PKN2: variants seen among roughly 807,000 people sequenced by gnomAD.
PKN2 encodes the protein protein kinase N2.
Under a neutral mutation model 119.1 loss-of-function variants are expected in PKN2, and 38 were observed. The observed-to-expected ratio is 0.32, with a 90% CI of 0.25 to 0.42. The LOEUF is 0.42. Ranked by LOEUF, PKN2 falls within the 10% of genes least tolerant of loss-of-function variation. PKN2 has a pLI of 1.00. For missense variants in PKN2, 850 were observed against 1,165.1 expected, an observed-to-expected ratio of 0.73 and a Z score of 3.94; for synonymous variants, 390 against 384.9, an observed-to-expected ratio of 1.01 and a Z score of -0.15.
At chr1:88,784,356 C>A (rs1670483201) in intron 6 of PKN2, among the ~76,000 whole-genome samples, 1 of 151,894 alleles carries the variant, frequency 6.6e-6, no homozygotes, top group Non-Finnish European at 1.5e-5. Flanking sequence ...CTCCTAAATT[C>A]AGGCAATCCA....
At chr1:88,800,286 G>C (rs1671252504) in intron 8 of PKN2, among the ~76,000 whole-genome samples, 1 of 152,226 alleles carries the variant, frequency 6.6e-6, no homozygotes, top group East Asian at 1.9e-4. Flanking sequence ...TCTTAAAACA[G>C]GAGTTTTTGA....
chr1:88,797,762 G>A (rs1671149627), intron 8 of PKN2, among the ~76,000 whole-genome samples: 1 of 152,004 alleles, frequency 6.6e-6, no homozygotes, highest in Non-Finnish European at 1.5e-5. Context: ...ACAACATAGT[G>A]TAGACATTTT....
chr1:88,805,794 G>A (rs1276115549), intron 11 of PKN2, 97 bp from the exon 12 acceptor site: 1 of 1,605,056 alleles, frequency 6.2e-7, no homozygotes, highest in Non-Finnish European at 8.5e-7. Context: ...GTAGTGTTCT[G>A]TTTACTTAAA....
At chr1:88,758,108 T>G (rs945244865) in intron 2 of PKN2, among the ~76,000 whole-genome samples, 1 of 151,616 alleles carries the variant, frequency 6.6e-6, no homozygotes, top group Non-Finnish European at 1.5e-5. Flanking sequence ...ACTAGATGGT[T>G]CTTTCTGAAG....
intron 18 of PKN2, among the ~76,000 whole-genome samples, chr1:88,825,726 C>T (rs992285665): frequency 1.3e-5 from 2 of 152,206 alleles, no homozygotes; most frequent in African/African-American, 4.8e-5. Flanking sequence ...ATCAACCTGC[C>T]ATGTAATTGC....
intron 6 of PKN2, among the ~76,000 whole-genome samples, chr1:88,773,604 G>A (rs115459788): frequency 0.019 from 2,960 of 152,206 alleles, 95 homozygotes; most frequent in African/African-American, 0.067. Context: ...ACCAGTGTTT[G>A]CTGTTTATTT....
chr1:88,818,803 A>T (rs895223395), intron 16 of PKN2, among the ~76,000 whole-genome samples: 2 of 152,176 alleles, frequency 1.3e-5, no homozygotes, highest in Non-Finnish European at 2.9e-5. Flanking sequence ...AGCAACCAAA[A>T]CACCATGGTA....
chr1:88,717,700 G>C (rs909839579), intron 1 of PKN2, among the ~76,000 whole-genome samples: 3 of 151,884 alleles, frequency 2.0e-5, no homozygotes, highest in African/African-American at 7.3e-5. Flanking sequence ...CTTCTAATCT[G>C]TTTTCAAGGT....
chr1:88,720,550 G>A (rs1570528568), intron 1 of PKN2, among the ~76,000 whole-genome samples: 1 of 152,256 alleles, frequency 6.6e-6, no homozygotes, highest in East Asian at 1.9e-4. Context: ...TAGGGGTAAG[G>A]ACTTTTAACT....
chr1:88,747,239 C>G (rs1281813617), intron 2 of PKN2, among the ~76,000 whole-genome samples: 1 of 151,948 alleles, frequency 6.6e-6, no homozygotes, highest in Middle Eastern at 3.2e-3. Flanking sequence ...TTGTATATTT[C>G]AAAATAGCTA....
Position 88,818,601 on chromosome 1 carries a change from C to T in PKN2, c.2280-3340C>T, listed in dbSNP as rs530425603. ...AGGTGGAGGTTGCAGTAAGCAAAGA[C>T]TGTGCCACTGCACTCCAGCCTGGGC... On this transcript the variant is annotated intron_variant, in intron 16 of 21. Transcript: ENST00000370521. 4.0e-3 allele frequency among the ~76,000 whole-genome samples: 601 copies of T among 150,032 alleles called. 1 individual carries two copies. Among genetic ancestry groups the T allele is most frequent in the Admixed American group, 8.0e-3 (120 of 14,978 alleles).
At chr1:88,791,523 T>C (rs1570636807) in intron 8 of PKN2, among the ~76,000 whole-genome samples, 1 of 152,054 alleles carries the variant, frequency 6.6e-6, no homozygotes, top group Admixed American at 6.6e-5. Flanking sequence ...AAAATATCCA[T>C]ATTACTGAAA....
At chr1:88,796,258 C>T (rs1374884348) in intron 8 of PKN2, among the ~76,000 whole-genome samples, 2 of 152,134 alleles carry the variant, frequency 1.3e-5, no homozygotes, top group Non-Finnish European at 1.5e-5. Flanking sequence ...CATTGCCTTT[C>T]ATTGTCATAT....
chr1:88,799,403 ATAT>A (rs1671218768), intron 8 of PKN2, among the ~76,000 whole-genome samples: 1 of 152,084 alleles, frequency 6.6e-6, no homozygotes, highest in Non-Finnish European at 1.5e-5. Flanking sequence ...CTGAAAACAT[ATAT>A]TATTGTTTCT....
chr1:88,710,124 G>A (rs183903061), intron 1 of PKN2, among the ~76,000 whole-genome samples: 34 of 152,210 alleles, frequency 2.2e-4, no homozygotes, highest in African/African-American at 4.3e-4. Context: ...ATGTAAAACC[G>A]GTCCTGGGAT....
rs78030615 is a variant in PKN2 at position 88,702,970 on chromosome 1, T to C, written c.48+18342T>C. ...TGTAAACTTTTAATGAATTAAAATATACTAAAGTCCCTGTTAAAGTGTCTG... is the reference window on the plus strand; with the variant it reads ...TGTAAACTTTTAATGAATTAAAATACACTAAAGTCCCTGTTAAAGTGTCTG... On this transcript the variant is annotated intron_variant, in intron 1 of 21. Transcript: ENST00000370521. Among the ~76,000 whole-genome samples, 766 of 152,312 alleles carry C rather than the reference T, an allele frequency of 5.0e-3. 2 individuals carry two copies. Among genetic ancestry groups the C allele is most frequent in the African/African-American group, 0.017 (721 of 41,572 alleles).
At chr1:88,700,705 A>G (rs781436582) in intron 1 of PKN2, among the ~76,000 whole-genome samples, 2 of 152,166 alleles carry the variant, frequency 1.3e-5, no homozygotes, top group South Asian at 2.1e-4. Flanking sequence ...GAAGGCTTTC[A>G]TGTCACGTAA....
chr1:88,811,696 A>C (rs1365021626), intron 15 of PKN2, among the ~76,000 whole-genome samples: 2 of 152,176 alleles, frequency 1.3e-5, no homozygotes, highest in Non-Finnish European at 2.9e-5. Flanking sequence ...CCTTACCTAC[A>C]ACACTCAAAC....
At chr1:88,705,704 T>A (rs1026912549) in intron 1 of PKN2, among the ~76,000 whole-genome samples, 1 of 150,362 alleles carries the variant, frequency 6.7e-6, no homozygotes, top group African/African-American at 2.4e-5. Flanking sequence ...TCTGCAAAAA[T>A]ATATATATAT....
Sources: gnomAD v4.1 joint callset for allele counts (sites outside exome capture counted in the v4.1 genomes callset) on GRCh38, gnomAD v4.1.1 for gene constraint, MANE v1.5 for transcripts, NCBI Gene and HGNC (gene_info 2026-07-23, HGNC 2026-07-21) for gene names.